The following ATF4 variants were observed in gnomAD, a reference collection of about 807,000 sequenced individuals.
ATF4 encodes the protein cyclic AMP-dependent transcription factor ATF-4.
In ATF4, 8 loss-of-function variants were observed where a neutral mutation model predicts 21.0. The observed-to-expected ratio is 0.38, with a 90% CI of 0.22 to 0.69. ATF4 has a LOEUF of 0.69. ATF4 is among the 30% of genes least tolerant of loss of function. ATF4 has a pLI of 0.49. For synonymous variants in ATF4, 241 were observed against 166.4 expected, an observed-to-expected ratio of 1.45 and a Z score of -3.45; for missense variants, 549 against 425.9, an observed-to-expected ratio of 1.29 and a Z score of -2.54.
At chr22:39,521,230 T>C in intron 1 of ATF4, 124 bp from the exon 2 acceptor site, 1 of 392,916 alleles carries the variant, frequency 2.5e-6, no homozygotes, top group Non-Finnish European at 4.6e-6. Flanking sequence ...GAGGGGCAAA[T>C]ACAACTGCCC....
chr22:39,521,842 T>G lies in ATF4; in HGVS notation c.296T>G (p.Leu99Arg), dbSNP rs759246444. Residue 99 changes from leucine to arginine, a missense_variant, in exon 3 of 3, where the codon CTG becomes CGG. Coordinates refer to ENST00000674920, the MANE Select transcript of ATF4 (RefSeq NM_182810.3). ...TTGAAGGAGTTCGACTTGGATGCCC[T>G]GTTGGGTATAGATGACCTGGAAACC... is the stretch of plus-strand genomic sequence containing the variant. Reference protein sequence around the residue: ...MDLKEFDLDALLGIDDLETMP... With the variant: ...MDLKEFDLDARLGIDDLETMP... 6.2e-7 allele frequency: 1 copy of G among 1,614,222 alleles called. No homozygotes were observed. Among genetic ancestry groups the G allele is most frequent in the Admixed American group, 1.7e-5 (1 of 60,024 alleles).
rs774705715 is a variant in ATF4, at chr22:39,522,329, C to T, written c.783C>T (p.Tyr261=). The T allele has an allele frequency of 3.3e-5, 54 of 1,612,446 alleles. No homozygotes were observed. Among genetic ancestry groups the T allele is most frequent in the Admixed American group, 3.0e-4 (18 of 59,736 alleles). ...VLCGSARPKP[Y]DPPGEKMVAA... is the part of the protein sequence containing the mutation. ...GTGGGTCTGCCCGTCCCAAACCTTA[C>T]GATCCTCCTGGAGAGAAGATGGTAG... Residue 261 remains tyrosine, a synonymous_variant, in exon 3 of 3, where the codon TAC becomes TAT. Transcript: ENST00000674920.
At chr22:39,521,314 G>C (rs74751854) in intron 1 of ATF4, 40 bp from the exon 2 acceptor site, 92 of 733,404 alleles carry the variant, frequency 1.3e-4, no homozygotes, top group Middle Eastern at 1.2e-3. Flanking sequence ...TCTCAGAACA[G>C]CTAACCTCTA....
rs373772666 is a variant in ATF4 at position 39,521,933 on chromosome 22, G to T, written c.387G>T (p.Glu129Asp). The T allele has an allele frequency of 6.2e-7, 1 of 1,613,292 alleles. No individual in the cohort carries two copies. Among genetic ancestry groups the T allele is most frequent in the African/African-American group, 1.3e-5 (1 of 74,652 alleles). ...ATCTCTTTGCCCCCCTAGTCCAGGA[G>T]ACTAATAAGCAGCCCCCCCAGACGG... ...TCDLFAPLVQ[E>D]TNKQPPQTVN... The change falls in exon 3 of 3, where the codon GAG becomes GAT. Residue 129 changes from glutamate (E) to aspartate (D), a missense_variant. By Grantham distance (45) the Glu-to-Asp change is conservative. Transcript: ENST00000674920.
chr22:39,520,728 AC>A lies in ATF4; in HGVS notation c.-111del. The stretch of plus-strand genomic sequence containing the variant: ...AGCAGCACCAGGCTCTGCAGCGGCA[AC>A]CCCCAGCGGCTTAAGCCATGGCGTG... On this transcript the variant is annotated 5_prime_UTR_variant, in exon 1 of 3. Transcript: ENST00000674920. 6.5e-6 allele frequency: 1 copy of A among 153,552 alleles called. No homozygotes were observed. Among genetic ancestry groups the A allele is most frequent in the South Asian group, 2.0e-4 (1 of 4,956 alleles). The allele number at this position is 153,552 out of a possible 1,614,324, so 9.5% of individuals were successfully genotyped here. A position where few individuals can be genotyped will look rare whatever the true frequency, so the allele number is the denominator to read the frequency against.
Position 39,522,359 on chromosome 22 carries a change from A to G in ATF4, c.813A>G (p.Ala271=). ...CTCCTGGAGAGAAGATGGTAGCAGCAAAAGTAAAGGGTGAGAAACTGGATA... is the reference window on the plus strand; with the variant it reads ...CTCCTGGAGAGAAGATGGTAGCAGCGAAAGTAAAGGGTGAGAAACTGGATA... ...YDPPGEKMVA[A]KVKGEKLDKK... is the part of the protein sequence containing the mutation. The change falls in exon 3 of 3, where the codon GCA becomes GCG. Residue 271 remains alanine, a synonymous_variant. Coordinates refer to ENST00000674920, the MANE Select transcript of ATF4 (RefSeq NM_182810.3). The G allele has an allele frequency of 1.9e-6, 3 of 1,613,036 alleles. No homozygotes were observed. The highest frequency in any genetic ancestry group is 2.5e-6 in the Non-Finnish European group (3 of 1,179,506).
In ATF4 at chr22:39,522,655, G is replaced by A; in HGVS notation, c.*53G>A. ...CTTGTACATAGAGTGCTGTAGCTGT[G>A]TGTTCCAATAAATTATTTTGTAGGG... On this transcript the variant is annotated 3_prime_UTR_variant, in exon 3 of 3. Coordinates refer to ENST00000674920, the MANE Select transcript of ATF4 (RefSeq NM_182810.3). 6 of 1,406,274 alleles carry A rather than the reference G, an allele frequency of 4.3e-6. No homozygotes were observed. Among genetic ancestry groups the A allele is most frequent in the Non-Finnish European group, 5.7e-6 (6 of 1,057,526 alleles). The allele number at this position is 1,406,274 out of a possible 1,614,324, so 87.1% of individuals were successfully genotyped here. A position where few individuals can be genotyped will look rare whatever the true frequency, so the allele number is the denominator to read the frequency against.
At position 39,522,095 on chromosome 22, in the gene ATF4, C is replaced by T; in HGVS notation, c.549C>T (p.Gly183=). Reference sequence around the variant, plus strand: ...ATCATTCCTTTAGTTTAGAGCTGGGCAGTGAAGTGGATATCACTGAAGGAG... The same window carrying T: ...ATCATTCCTTTAGTTTAGAGCTGGGTAGTGAAGTGGATATCACTGAAGGAG... ...TPDHSFSLEL[G]SEVDITEGDR... Residue 183 remains glycine, a synonymous_variant, in exon 3 of 3, where the codon GGC becomes GGT. Coordinates refer to ENST00000674920, the MANE Select transcript of ATF4 (RefSeq NM_182810.3). The T allele has an allele frequency of 1.9e-6, 3 of 1,613,948 alleles. No homozygotes were observed. The highest frequency in any genetic ancestry group is 2.5e-6 in the Non-Finnish European group (3 of 1,179,854).
chr22:39,522,006 G>T lies in ATF4; in HGVS notation c.460G>T (p.Val154Phe), dbSNP rs1930979009. The T allele has an allele frequency of 6.2e-7, 1 of 1,613,586 alleles. No homozygotes were observed. Among genetic ancestry groups the T allele is most frequent in the East Asian group, 2.2e-5 (1 of 44,864 alleles). ...AGAAAGTTTAACAAAACCCGACCAGGTTGCCCCCTTCACCTTCTTACAACC... is the reference window on the plus strand; with the variant it reads ...AGAAAGTTTAACAAAACCCGACCAGTTTGCCCCCTTCACCTTCTTACAACC... Reference protein sequence around the residue: ...LPESLTKPDQVAPFTFLQPLP... With the variant: ...LPESLTKPDQFAPFTFLQPLP... Residue 154 changes from valine (V) to phenylalanine (F), a missense_variant, in exon 3 of 3, where the codon GTT (valine) becomes TTT (phenylalanine). Physicochemically the swap from Val to Phe is conservative, Grantham distance 50. Transcript: ENST00000674920.
intron 1 of ATF4, 35 bp from the exon 2 acceptor site, chr22:39,521,319 C>T (rs563469938): frequency 1.3e-4 from 100 of 766,210 alleles, no homozygotes; most frequent in African/African-American, 1.8e-4. Context: ...GAACAGCTAA[C>T]CTCTAATGGG....
In ATF4 at chr22:39,522,171, A is replaced by G. The variant is rs772171586; in HGVS notation, c.625A>G (p.Lys209Glu). The G allele has an allele frequency of 3.7e-6, 6 of 1,612,974 alleles. No homozygotes were observed. The East Asian group carries it at 8.9e-5, about 24-fold the overall frequency. ...AYVAMIPQCI[K>E]EEDTPSDNDS... ...CGTTGCCATGATCCCTCAGTGCATA[A>G]AGGAGGAAGACACCCCTTCAGATAA... Residue 209 changes from lysine (K) to glutamate (E), a missense_variant, in exon 3 of 3, where the codon AAG becomes GAG. By Grantham distance (56) the Lys-to-Glu change is moderately conservative. Transcript: ENST00000674920.
Position 39,521,767 on chromosome 22 carries a change from T to G in ATF4, c.227-6T>G. ...CACTTGGCCCCATCACTCAAATGTT[T>G]TGCAGAGGATGCCTTCTCCGGGACA... On this transcript the variant is annotated splice_polypyrimidine_tract_variant and splice_region_variant and intron_variant, in intron 2 of 2. Transcript: ENST00000674920. 1.2e-6 allele frequency: 2 copies of G among 1,613,660 alleles called. No homozygotes were observed. Among genetic ancestry groups the G allele is most frequent in the Non-Finnish European group, 1.7e-6 (2 of 1,179,654 alleles).
Position 39,522,236 on chromosome 22 carries a change from G to C in ATF4, c.690G>C (p.Gly230=), listed in dbSNP as rs768859496. The change falls in exon 3 of 3, where the codon GGG becomes GGC. Residue 230 remains glycine, a synonymous_variant. Transcript: ENST00000674920. ...GTATGAGCCCAGAGTCCTATCTGGG[G>C]TCTCCTCAGCACAGCCCCTCTACCA... The part of the protein sequence containing the change: ...GICMSPESYL[G]SPQHSPSTRG... 3 of 1,608,708 alleles carry C rather than the reference G, an allele frequency of 1.9e-6. No individual in the cohort carries two copies. Among genetic ancestry groups the C allele is most frequent in the Non-Finnish European group, 2.5e-6 (3 of 1,176,890 alleles).
intron 1 of ATF4, 58 bp from the exon 2 acceptor site, chr22:39,521,296 G>T (rs902767391): frequency 1.6e-6 from 1 of 635,726 alleles, no homozygotes; most frequent in South Asian, 2.3e-5. Flanking sequence ...TAAGTGGAAG[G>T]ATGAAATTCT....
chr22:39,521,956 C>T lies in ATF4; in HGVS notation c.410C>T (p.Thr137Met), dbSNP rs1390231181. The T allele has an allele frequency of 3.7e-6, 6 of 1,613,076 alleles. No individual in the cohort carries two copies. Among genetic ancestry groups the T allele is most frequent in the African/African-American group, 1.3e-5 (1 of 74,676 alleles). Residue 137 changes from threonine to methionine, a missense_variant, in exon 3 of 3, where the codon ACG (threonine) becomes ATG (methionine). Transcript: ENST00000674920. ...VQETNKQPPQ[T>M]VNPIGHLPES... ...GAGACTAATAAGCAGCCCCCCCAGACGGTGAACCCAATTGGCCATCTCCCA... is the reference window on the plus strand; with the variant it reads ...GAGACTAATAAGCAGCCCCCCCAGATGGTGAACCCAATTGGCCATCTCCCA...
At position 39,521,540 on chromosome 22, in the gene ATF4, G is replaced by A. The variant is rs372523612; in HGVS notation, c.95G>A (p.Gly32Asp). 4 of 1,612,696 alleles carry A rather than the reference G, an allele frequency of 2.5e-6. No individual in the cohort carries two copies. Among genetic ancestry groups the A allele is most frequent in the African/African-American group, 1.3e-5 (1 of 75,012 alleles). Residue 32 changes from glycine to aspartate, a missense_variant, in exon 2 of 3, where the codon GGT (glycine) becomes GAT (aspartate). Gly to Asp is a moderately conservative substitution (Grantham distance 94). Transcript: ENST00000674920. ...QSGLGAEESLGLLDDYLEVAK... is the reference protein window; with the variant it reads ...QSGLGAEESLDLLDDYLEVAK... ...GGTTTGGGGGCTGAAGAAAGCCTAG[G>A]TCTCTTAGATGATTACCTGGAGGTG...
chr22:39,521,856 G>T lies in ATF4; in HGVS notation c.310G>T (p.Asp104Tyr), dbSNP rs11556099. 2 of 1,614,204 alleles carry T rather than the reference G, an allele frequency of 1.2e-6. No individual in the cohort carries two copies. Among genetic ancestry groups the T allele is most frequent in the East Asian group, 2.2e-5 (1 of 44,888 alleles). The change falls in exon 3 of 3, where the codon GAC becomes TAC. Residue 104 changes from aspartate to tyrosine, a missense_variant. Physicochemically the swap from Asp to Tyr is radical, Grantham distance 160 (BLOSUM62 -3). Transcript: ENST00000674920. ...FDLDALLGID[D>Y]LETMPDDLLT... ...CTTGGATGCCCTGTTGGGTATAGAT[G>T]ACCTGGAAACCATGCCAGATGACCT...
chr22:39,521,951 C>T lies in ATF4; in HGVS notation c.405C>T (p.Pro135=), dbSNP rs775205463. 10 of 1,613,340 alleles carry T rather than the reference C, an allele frequency of 6.2e-6. No homozygotes were observed. The African/African-American group carries it at 9.4e-5, about 15-fold the overall frequency. ...PLVQETNKQP[P]QTVNPIGHLP... ...TCCAGGAGACTAATAAGCAGCCCCCCCAGACGGTGAACCCAATTGGCCATC... is the reference window on the plus strand; with the variant it reads ...TCCAGGAGACTAATAAGCAGCCCCCTCAGACGGTGAACCCAATTGGCCATC... The change falls in exon 3 of 3, where the codon CCC becomes CCT. Residue 135 remains proline, a synonymous_variant. Transcript: ENST00000674920.
In ATF4 at chr22:39,522,629, G is replaced by T. The variant is rs56117154; in HGVS notation, c.*27G>T. 70 of 1,494,634 alleles carry T rather than the reference G, an allele frequency of 4.7e-5. No homozygotes were observed. The highest frequency in any genetic ancestry group is 6.0e-5 in the Non-Finnish European group (67 of 1,116,966). 92.6% of individuals were successfully genotyped at this position (1,494,634 alleles called of 1,614,324 possible). A position where few individuals can be genotyped will look rare whatever the true frequency, so the allele number is the denominator to read the frequency against. ...TGAGGATAGTCAGGAGCGTCAATGT[G>T]CTTGTACATAGAGTGCTGTAGCTGT... is the stretch of plus-strand genomic sequence containing the variant. On this transcript the variant is annotated 3_prime_UTR_variant, in exon 3 of 3. Transcript: ENST00000674920.
Sources: gnomAD v4.1 joint callset for allele counts on GRCh38, gnomAD v4.1.1 for gene constraint, MANE v1.5 for transcripts, NCBI Gene and HGNC (gene_info 2026-07-23, HGNC 2026-07-21) for gene names.